PKP2: variants seen among roughly 807,000 people sequenced by gnomAD.
PKP2 encodes plakophilin-2.
A neutral mutation model predicts 83.4 loss-of-function variants in PKP2; 73 were observed. That is an observed-to-expected ratio of 0.88 (90% CI 0.72 to 1.06). The LOEUF (loss-of-function observed/expected upper bound fraction) is 1.06, where lower values mean the gene tolerates loss of function less well. Ranked by LOEUF, PKP2 falls within the 50% of genes least tolerant of loss-of-function variation. The pLI is 0.00. For missense variants in PKP2, 966 were observed against 1,065.4 expected (o/e 0.91, Z 1.30); for synonymous variants, 409 against 430.4 (o/e 0.95, Z 0.62).
chr12:32,893,657 G>C (rs1052743445), intron 1 of PKP2: 1 of 152,140 alleles, frequency 6.6e-6, no homozygotes, highest in Admixed American at 6.5e-5. Flanking sequence ...AGCTGCTGTT[G>C]CAATCAAAAT....
Position 32,896,634 on chromosome 12 carries a change from G to A in PKP2, c.98C>T (p.Pro33Leu). 6.3e-7 allele frequency: 1 copy of A among 1,576,636 alleles called. No homozygotes were observed. Among genetic ancestry groups the A allele is most frequent in the Non-Finnish European group, 8.5e-7 (1 of 1,170,708 alleles). ...CGCCAGCTTCAGCTTGGCCTCGGAG[G>A]GCAGCGCCAGGCTGGAGCTGTCCAG... ...GQLDSSSLAL[P>L]SEAKLKLAGS... The change falls in exon 1 of 13, where the codon CCC becomes CTC. Residue 33 changes from proline to leucine, a missense_variant. By Grantham distance (98) the Pro-to-Leu change is moderately conservative. Transcript: ENST00000340811.
chr12:32,798,082 T>C (rs1033452023), intron 10 of PKP2, among the ~76,000 whole-genome samples: 2 of 77,438 alleles, frequency 2.6e-5, no homozygotes, highest in East Asian at 8.1e-4. Flanking sequence ...AATACTACTC[T>C]TGTTTTTTTT....
intron 5 of PKP2, among the ~76,000 whole-genome samples, chr12:32,847,519 G>T (rs1323799836): frequency 1.3e-5 from 2 of 152,078 alleles, no homozygotes; most frequent in Non-Finnish European, 2.9e-5. Context: ...TCAATGGCTT[G>T]TTCCCTTGAC....
At chr12:32,839,527 C>T (rs1410005883) in intron 6 of PKP2, among the ~76,000 whole-genome samples, 3 of 151,648 alleles carry the variant, frequency 2.0e-5, no homozygotes, top group Non-Finnish European at 4.4e-5. Flanking sequence ...AAGAGTGAGT[C>T]CTAGGAATGC....
chr12:32,829,351 C>T (rs960311805), intron 6 of PKP2, among the ~76,000 whole-genome samples: 5 of 150,524 alleles, frequency 3.3e-5, no homozygotes, highest in Non-Finnish European at 7.4e-5. Flanking sequence ...ACCTCCTCGG[C>T]TCAAGGGATC....
At chr12:32,884,423 C>T (rs1214083147) in intron 1 of PKP2, among the ~76,000 whole-genome samples, 1 of 152,124 alleles carries the variant, frequency 6.6e-6, no homozygotes, top group Non-Finnish European at 1.5e-5. Flanking sequence ...CATTGCACTC[C>T]AGCCTGGGCA....
chr12:32,856,832 C>T (rs1314608302), intron 4 of PKP2, among the ~76,000 whole-genome samples: 3 of 152,238 alleles, frequency 2.0e-5, no homozygotes, highest in East Asian at 3.9e-4. Context: ...TCCTACCGTT[C>T]ACTGACAGGG....
chr12:32,878,388 G>A lies in PKP2; in HGVS notation c.492C>T (p.Ser164=), dbSNP rs747582030. 7 of 1,613,828 alleles carry A rather than the reference G, an allele frequency of 4.3e-6. No individual in the cohort carries two copies. Among genetic ancestry groups the A allele is most frequent in the East Asian group, 2.2e-5 (1 of 44,870 alleles). Residue 164 remains serine (S), a synonymous_variant, in exon 3 of 13, where the codon AGC becomes AGT. Transcript: ENST00000340811. ...SSPERAHYTH[S]DYQYSQRSQA... ...GGCTTCTCTGGCTGTACTGGTAATC[G>A]CTGTGCGTGTAGTGAGCCCTCTCCG...
chr12:32,802,269 C>T, intron 10 of PKP2, 134 bp downstream of exon 10: 3 of 881,862 alleles, frequency 3.4e-6, no homozygotes, highest in Non-Finnish European at 5.6e-6. Context: ...GCACAAAAGG[C>T]AGGCCGGTTT....
Position 32,790,887 on chromosome 12 carries a change from A to C in PKP2, c.*1537T>G, listed in dbSNP as rs1416886274. ...ATCAGAACTCTGGAAAAAGACATATAAATTCTCTCCAGTATTTTAAAAATT... is the reference window on the plus strand; with the variant it reads ...ATCAGAACTCTGGAAAAAGACATATCAATTCTCTCCAGTATTTTAAAAATT... On this transcript the variant is annotated 3_prime_UTR_variant, in exon 13 of 13. Transcript: ENST00000340811. The C allele has an allele frequency of 6.6e-6, 1 of 152,204 alleles. No individual in the cohort carries two copies. Among genetic ancestry groups the C allele is most frequent in the Admixed American group, 6.5e-5 (1 of 15,276 alleles). The allele number at this position is 152,204 out of a possible 1,614,324, so 9.4% of individuals were successfully genotyped here. A position where few individuals can be genotyped will look rare whatever the true frequency, so the allele number is the denominator to read the frequency against.
At chr12:32,829,655 CTTTTA>C (rs565650256) in intron 6 of PKP2, among the ~76,000 whole-genome samples, 349 of 149,918 alleles carry the variant, frequency 2.3e-3, no homozygotes, top group African/African-American at 8.2e-3. Flanking sequence ...TGGGACCAGT[CTTTTA>C]TTTTATTTTA....
intron 9 of PKP2, among the ~76,000 whole-genome samples, chr12:32,818,879 T>TA (rs1461052707): frequency 6.6e-6 from 1 of 152,190 alleles, no homozygotes; most frequent in Non-Finnish European, 1.5e-5. Flanking sequence ...TTTGAAATTA[T>TA]AAAGCCAGAG....
At chr12:32,879,467 G>C (rs1022040200) in intron 1 of PKP2, among the ~76,000 whole-genome samples, 3 of 152,186 alleles carry the variant, frequency 2.0e-5, no homozygotes, top group African/African-American at 4.8e-5. Context: ...GGGAGACAGA[G>C]GTTGCAGTGA....
At chr12:32,805,568 C>A (rs1234129353) in intron 9 of PKP2, among the ~76,000 whole-genome samples, 1 of 152,164 alleles carries the variant, frequency 6.6e-6, no homozygotes, top group African/African-American at 2.4e-5. Flanking sequence ...GGAATCCTTT[C>A]CCCATTGCTT....
At chr12:32,852,169 C>T (rs1055360958) in intron 4 of PKP2, among the ~76,000 whole-genome samples, 2 of 152,200 alleles carry the variant, frequency 1.3e-5, no homozygotes, top group African/African-American at 4.8e-5. Flanking sequence ...CTCATTTTCA[C>T]TATCTTCATG....
chr12:32,863,407 C>T lies in PKP2; in HGVS notation c.1170+5520G>A, dbSNP rs879556843. 10 of 251,394 alleles carry T rather than the reference C, an allele frequency of 4.0e-5. No individual in the cohort carries two copies. In the South Asian group the frequency reaches 5.6e-4, roughly 14 times the overall value. 15.6% of individuals were successfully genotyped at this position (251,394 alleles called of 1,614,324 possible). A position where few individuals can be genotyped will look rare whatever the true frequency, so the allele number is the denominator to read the frequency against. On this transcript the variant is annotated intron_variant, in intron 4 of 12. Transcript: ENST00000340811. ...TGCTAGAGCTATTGGACACAGAGTC[C>T]GAGTGATGCTGTACCCCTCAAGGAT...
intron 6 of PKP2, among the ~76,000 whole-genome samples, chr12:32,835,734 G>A (rs1315787619): frequency 1.3e-5 from 2 of 152,172 alleles, no homozygotes; most frequent in Non-Finnish European, 2.9e-5. Context: ...GAAATTCAAT[G>A]CTAGCAGCGT....
rs544525394 is a variant in PKP2 at position 32,887,722 on chromosome 12, C to T, written c.224-8690G>A. On this transcript the variant is annotated intron_variant, in intron 1 of 12. Coordinates refer to ENST00000340811, the MANE Select transcript of PKP2 (RefSeq NM_001005242.3). Reference sequence around the variant, plus strand: ...CCGCCTCGGGCTCCCAAAGTGCCAGCGCTTTAGGCGTGAGCCATTAAATGG... The same window carrying T: ...CCGCCTCGGGCTCCCAAAGTGCCAGTGCTTTAGGCGTGAGCCATTAAATGG... 5.9e-5 allele frequency among the ~76,000 whole-genome samples: 9 copies of T among 152,302 alleles called. 1 individual carries two copies. The South Asian group carries it at 1.5e-3, about 25-fold the overall frequency.
At chr12:32,806,226 C>T (rs1454202542) in intron 9 of PKP2, among the ~76,000 whole-genome samples, 2 of 152,124 alleles carry the variant, frequency 1.3e-5, no homozygotes, top group African/African-American at 2.4e-5. Context: ...GCTGGTCTCA[C>T]ACAATCAGTT....
Sources: allele counts gnomAD v4.1 joint callset (sites outside exome capture counted in the v4.1 genomes callset), GRCh38; gene constraint gnomAD v4.1.1; transcripts MANE v1.5; gene names NCBI Gene and HGNC (gene_info 2026-07-23, HGNC 2026-07-21).